HK1: variants seen among roughly 807,000 people sequenced by gnomAD.
HK1 encodes the protein hexokinase 1.
In HK1, 28 loss-of-function variants were observed where a neutral mutation model predicts 91.6. The observed-to-expected ratio is 0.31, with a 90% CI of 0.23 to 0.42. HK1 has a LOEUF of 0.42. Among genes scored for constraint, HK1 ranks in the 10% least tolerant of loss-of-function variants. The pLI is 1.00. For synonymous variants in HK1, 430 were observed against 468.1 expected (o/e 0.92, Z 1.05); for missense variants, 770 against 1,219.8 (o/e 0.63, Z 5.49).
At chr10:69,368,955 C>T (rs924805526) in intron 5 of HK1, among the ~76,000 whole-genome samples, 8 of 152,144 alleles carry the variant, frequency 5.3e-5, no homozygotes, top group African/African-American at 1.7e-4. Context: ...TTATCGGGGA[C>T]GTGGACCTCC....
intron 2 of HK1, among the ~76,000 whole-genome samples, chr10:69,355,716 C>T (rs1359399913): frequency 2.0e-5 from 3 of 151,906 alleles, no homozygotes; most frequent in Admixed American, 6.6e-5. Context: ...TGCCTGAACC[C>T]GGGAGGTGGA....
At chr10:69,325,044 A>ATTTTTT (rs1046990181) in intron 1 of HK1, among the ~76,000 whole-genome samples, 132 of 93,828 alleles carry the variant, frequency 1.4e-3, no homozygotes, top group Non-Finnish European at 1.9e-3. Flanking sequence ...AAAAATGTGT[A>ATTTTTT]TTTTTTTTTT....
rs368097691 is a variant in HK1, at chr10:69,290,163, TACTA to T, written c.-115+1397_-115+1400del. The stretch of plus-strand genomic sequence containing the variant: ...ATCTCAAAGACAAACACAGTGCTCA[TACTA>T]ACTGAGTGCCCTGAGCCCAGAACAC... On this transcript the variant is annotated intron_variant, in intron 3 of 21. Coordinates refer to the HK1 transcript ENST00000360289. 2.5e-3 allele frequency among the ~76,000 whole-genome samples: 383 copies of T among 152,224 alleles called. 3 individuals are homozygous for T. The South Asian group carries it at 0.026, about 10-fold the overall frequency.
At chr10:69,300,238 C>T (rs1317525375) in intron 4 of HK1, among the ~76,000 whole-genome samples, 1 of 151,890 alleles carries the variant, frequency 6.6e-6, no homozygotes, top group African/African-American at 2.4e-5. Context: ...GACAGTATCA[C>T]TATTCTGACT....
At chr10:69,400,343 C>G (rs908073647) in intron 17 of HK1, among the ~76,000 whole-genome samples, 3 of 152,316 alleles carry the variant, frequency 2.0e-5, no homozygotes, top group Admixed American at 6.5e-5. Flanking sequence ...CCTGGCCCTG[C>G]CCTTCATTTT....
At chr10:69,343,493 A>G (rs1848393035) in intron 1 of HK1, among the ~76,000 whole-genome samples, 1 of 152,148 alleles carries the variant, frequency 6.6e-6, no homozygotes, top group African/African-American at 2.4e-5. Context: ...ATTCTCAGAG[A>G]GAGAAGGAGG....
chr10:69,363,282 G>T (rs991453345), intron 3 of HK1, among the ~76,000 whole-genome samples: 1 of 152,224 alleles, frequency 6.6e-6, no homozygotes, highest in African/African-American at 2.4e-5. Context: ...ATATATATAC[G>T]CTCAGGTTGG....
chr10:69,385,012 A>G, intron 12 of HK1, 97 bp downstream of exon 12: 2 of 1,350,102 alleles, frequency 1.5e-6, no homozygotes, highest in Non-Finnish European at 2.1e-6. Context: ...CCTCAGTGTC[A>G]TTCCTAGATG....
intron 1 of HK1, among the ~76,000 whole-genome samples, chr10:69,272,009 A>C (rs554666473): frequency 1.4e-4 from 22 of 152,200 alleles, no homozygotes; most frequent in African/African-American, 5.3e-4. Flanking sequence ...GATTACAGGC[A>C]CCTGCCACCA....
intron 7 of HK1, among the ~76,000 whole-genome samples, chr10:69,372,316 A>G (rs1850049492): frequency 6.6e-6 from 1 of 152,244 alleles, no homozygotes; most frequent in African/African-American, 2.4e-5. Flanking sequence ...ATTGAGAACA[A>G]TTCCAAGGAA....
intron 4 of HK1, among the ~76,000 whole-genome samples, chr10:69,297,819 C>G (rs1845641586): frequency 4.6e-5 from 7 of 150,884 alleles, no homozygotes; most frequent in Admixed American, 3.3e-4. Context: ...TCGCTTGAAC[C>G]TGGGAGGCGG....
At chr10:69,296,301 T>G (rs1845560049) in intron 4 of HK1, 1 of 154,476 alleles carries the variant, frequency 6.5e-6, no homozygotes, top group Non-Finnish European at 1.4e-5. Context: ...TGAATCAGCT[T>G]GGGAGAAAAG....
At chr10:69,340,953 C>G (rs895110538) in intron 1 of HK1, among the ~76,000 whole-genome samples, 1 of 151,990 alleles carries the variant, frequency 6.6e-6, no homozygotes, top group Non-Finnish European at 1.5e-5. Context: ...CTTGCTTGTG[C>G]CTGGGCATGC....
chr10:69,338,281 G>A (rs1299174181), intron 1 of HK1: 1 of 1,177,830 alleles, frequency 8.5e-7, no homozygotes, highest in African/African-American at 1.6e-5. Flanking sequence ...GTGGACAGAG[G>A]CCCTGGAGGC....
In HK1 at chr10:69,398,711, C is replaced by T. The variant is rs1840251579; in HGVS notation, c.2492C>T (p.Ala831Val). Reference sequence around the variant, plus strand: ...TGCGGGGTGGTGTCCAGGAGGGCCGCACAGCTGTGTGGCGCAGGCATGGCT... The same window carrying T: ...TGCGGGGTGGTGTCCAGGAGGGCCGTACAGCTGTGTGGCGCAGGCATGGCT... ...TVCGVVSRRA[A>V]QLCGAGMAAV... The change falls in exon 17 of 18, where the codon GCA (alanine) becomes GTA (valine). Residue 831 changes from alanine (A) to valine (V), a missense_variant. This residue lies in a region of HK1 where 78 missense variants were observed against 99.0 expected (regional missense o/e 0.79). Transcript: ENST00000359426. The T allele has an allele frequency of 6.2e-7, 1 of 1,614,212 alleles. No homozygotes were observed. The highest frequency in any genetic ancestry group is 8.5e-7 in the Non-Finnish European group (1 of 1,180,036).
At position 69,382,710 on chromosome 10, in the gene HK1, C is replaced by G. The variant is rs1452351604; in HGVS notation, c.1489C>G (p.Leu497Val). The G allele has an allele frequency of 1.9e-6, 3 of 1,613,456 alleles. No individual in the cohort carries two copies. Among genetic ancestry groups the G allele is most frequent in the Non-Finnish European group, 2.5e-6 (3 of 1,179,930 alleles). The change falls in exon 10 of 18, where the codon CTG becomes GTG. Residue 497 changes from leucine (L) to valine (V), a missense_variant. Physicochemically the swap from Leu to Val is conservative, Grantham distance 32 (BLOSUM62 1). Around this residue, in one of 7 missense-constraint regions of HK1, gnomAD observed 449 missense variants for 665.1 expected, o/e 0.68. Transcript: ENST00000359426. ...GAAGAGGATGCGGGCCGAGATGGAG[C>G]TGGGGCTGAGGAAGCAGACGCACAA... ...VKKRMRAEME[L>V]GLRKQTHNNA...
At chr10:69,306,216 C>T (rs887291407) in intron 5 of HK1, among the ~76,000 whole-genome samples, 14 of 151,504 alleles carry the variant, frequency 9.2e-5, no homozygotes, top group Non-Finnish European at 1.9e-4. Context: ...AAATTAGCCA[C>T]GCATTGTGGC....
intron 16 of HK1, among the ~76,000 whole-genome samples, chr10:69,397,182 G>C (rs975891706): frequency 6.6e-6 from 1 of 152,106 alleles, no homozygotes; most frequent in African/African-American, 2.4e-5. Flanking sequence ...GTGGACTTGC[G>C]GGATCATATG....
chr10:69,301,244 C>A (rs867390713), intron 5 of HK1, among the ~76,000 whole-genome samples: 1,367 of 113,012 alleles, frequency 0.012, 1 homozygote, highest in Non-Finnish European at 0.013. Context: ...GACTCCATCT[C>A]AAAAAAAAAA....
Sources: allele counts gnomAD v4.1 joint callset (sites outside exome capture counted in the v4.1 genomes callset), GRCh38; gene constraint gnomAD v4.1.1; regional missense constraint gnomAD v4.1.1; transcripts MANE v1.5; gene names NCBI Gene and HGNC (gene_info 2026-07-23, HGNC 2026-07-21).